CRTC3: variants seen among roughly 807,000 people sequenced by gnomAD.
CRTC3 encodes the protein CREB regulated transcription coactivator 3, also known as CREB-regulated transcription coactivator 3.
Under a neutral mutation model 74.5 loss-of-function variants are expected in CRTC3, and 26 were observed. The ratio of observed to expected loss-of-function variants is 0.35; its 90% CI spans 0.26 to 0.48. The LOEUF is 0.48. Ranked by LOEUF, CRTC3 falls within the 20% of genes least tolerant of loss-of-function variation. The pLI, the probability that CRTC3 is intolerant of heterozygous loss-of-function variation, is 0.99. For missense variants in CRTC3, 760 were observed against 787.3 expected, an observed-to-expected ratio of 0.97 and a Z score of 0.41; for synonymous variants, 377 against 325.8, an observed-to-expected ratio of 1.16 and a Z score of -1.69.
intron 6 of CRTC3, among the ~76,000 whole-genome samples, chr15:90,611,733 C>T (rs140743790): frequency 2.9e-3 from 441 of 152,258 alleles, no homozygotes; most frequent in African/African-American, 8.9e-3. Context: ...GTCCTCACTG[C>T]CAGTATCCTA....
chr15:90,640,207 A>G (rs1408773054), intron 13 of CRTC3, among the ~76,000 whole-genome samples: 6 of 152,218 alleles, frequency 3.9e-5, no homozygotes, highest in African/African-American at 1.4e-4. Flanking sequence ...TCCCTGAAAA[A>G]TGATAGACAC....
intron 3 of CRTC3, among the ~76,000 whole-genome samples, chr15:90,597,358 G>A (rs5003701): frequency 0.3 from 46,224 of 151,974 alleles, 8,084 homozygotes; most frequent in African/African-American, 0.49. Flanking sequence ...TGGATGACAC[G>A]CTCAGAAGGA....
intron 9 of CRTC3, chr15:90,625,084 A>G (rs1314178562): frequency 1.3e-5 from 2 of 152,704 alleles, no homozygotes; most frequent in Admixed American, 6.5e-5. Flanking sequence ...CAGGATAGAC[A>G]CATAGAACAA....
intron 2 of CRTC3, among the ~76,000 whole-genome samples, chr15:90,550,696 TTTTTG>T (rs1966853957): frequency 6.6e-6 from 1 of 152,086 alleles, no homozygotes; most frequent in Non-Finnish European, 1.5e-5. Flanking sequence ...CCTGCTTTTT[TTTTTG>T]TTATTTCAAG....
rs2075894459 is a variant in CRTC3, at chr15:90,602,412, T to C, written c.413+27T>C. 2.5e-6 allele frequency: 3 copies of C among 1,222,554 alleles called. No individual in the cohort carries two copies. The African/African-American group carries it at 4.5e-5, about 18-fold the overall frequency. 75.7% of individuals were successfully genotyped at this position (1,222,554 alleles called of 1,614,324 possible). On this transcript the variant is annotated intron_variant, in intron 4 of 14. Coordinates refer to ENST00000268184, the MANE Select transcript of CRTC3 (RefSeq NM_022769.5). ...TAAGCAAGACATACTTTAAAAGATA[T>C]GATGGGCATGTGTTATTTTTAGATA...
chr15:90,617,931 C>T lies in CRTC3; in HGVS notation c.662C>T (p.Pro221Leu), dbSNP rs758226599. 50 of 1,612,748 alleles carry T rather than the reference C, an allele frequency of 3.1e-5. No individual in the cohort carries two copies. The highest frequency in any genetic ancestry group is 6.7e-5 in the East Asian group (3 of 44,892). ...PLKEENLLNV[P>L]KPLPKQLWET... ...AAAGAAGAGAATCTGTTAAATGTTC[C>T]GAAGCCACTGCCAAAACAACTGTGG... Residue 221 changes from proline (P) to leucine (L), a missense_variant, in exon 8 of 15, where the codon CCG becomes CTG. Pro to Leu is a moderately conservative substitution (Grantham distance 98, BLOSUM62 -3). Coordinates refer to ENST00000268184, the MANE Select transcript of CRTC3 (RefSeq NM_022769.5).
intron 2 of CRTC3, among the ~76,000 whole-genome samples, chr15:90,561,555 C>A (rs903633757): frequency 1.2e-4 from 18 of 152,050 alleles, no homozygotes; most frequent in African/African-American, 3.6e-4. Context: ...AGTGTAGGAC[C>A]AGGAAAGAAG....
rs1309485555 is a variant in CRTC3 at position 90,642,111 on chromosome 15, G to A, written c.1831G>A (p.Glu611Lys). The change falls in exon 15 of 15, where the codon GAA becomes AAA. Residue 611 changes from glutamate to lysine, a missense_variant. By Grantham distance (56) the Glu-to-Lys change is moderately conservative. Around this residue, in one of 2 missense-constraint regions of CRTC3, gnomAD observed 652 missense variants for 635.2 expected, o/e 1.03. Coordinates refer to ENST00000268184, the MANE Select transcript of CRTC3 (RefSeq NM_022769.5). ...CATGGGCCTGCTGGACCCCTCTGTT[G>A]AAGAGACGTTTCGAGCTGACAGACT... ...SSMGLLDPSV[E>K]ETFRADRL 6 of 1,613,966 alleles carry A rather than the reference G, an allele frequency of 3.7e-6. No individual in the cohort carries two copies. Among genetic ancestry groups the A allele is most frequent in the Non-Finnish European group, 4.2e-6 (5 of 1,180,032 alleles).
chr15:90,551,033 C>T (rs1023605072), intron 2 of CRTC3, among the ~76,000 whole-genome samples: 2 of 152,074 alleles, frequency 1.3e-5, no homozygotes, highest in Non-Finnish European at 2.9e-5. Flanking sequence ...CCTCTACTTC[C>T]TTTTTCTGAA....
At chr15:90,629,179 A>G in intron 10 of CRTC3, 55 bp from the exon 11 acceptor site, 1 of 1,531,290 alleles carries the variant, frequency 6.5e-7, no homozygotes, top group South Asian at 1.2e-5. Context: ...CATTTTTGGA[A>G]TACAAAAGAT....
intron 10 of CRTC3, among the ~76,000 whole-genome samples, chr15:90,628,439 T>C (rs1221379210): frequency 6.6e-6 from 1 of 152,098 alleles, no homozygotes; most frequent in Non-Finnish European, 1.5e-5. Flanking sequence ...AGCCGAATAA[T>C]TGATTCACTG....
chr15:90,642,243 G>A lies in CRTC3; in HGVS notation c.*103G>A, dbSNP rs1173264791. On this transcript the variant is annotated 3_prime_UTR_variant, in exon 15 of 15. Transcript: ENST00000268184. ...CACGGGCTTTCGTTATCTTGACATA[G>A]AAGGAAGCAATGCCACGGCTCCAGG... 3 of 955,214 alleles carry A rather than the reference G, an allele frequency of 3.1e-6. 1 individual carries two copies. Among genetic ancestry groups the A allele is most frequent in the African/African-American group, 3.2e-5 (2 of 62,090 alleles). 59.2% of individuals were successfully genotyped at this position (955,214 alleles called of 1,614,324 possible).
chr15:90,583,423 C>T (rs1015878567), intron 2 of CRTC3, among the ~76,000 whole-genome samples: 5 of 152,182 alleles, frequency 3.3e-5, no homozygotes, highest in African/African-American at 9.7e-5. Context: ...CTGGTCTGTT[C>T]TGCTCTTCAT....
Position 90,638,487 on chromosome 15 carries a change from A to C in CRTC3, c.1308A>C (p.Thr436=). 6.2e-7 allele frequency: 1 copy of C among 1,614,076 alleles called. No homozygotes were observed. Residue 436 remains threonine (T), a synonymous_variant, in exon 12 of 15, where the codon ACA becomes ACC. Transcript: ENST00000268184. ...SDRSQLSFLP[T]EAQAQVSPPP... is the part of the protein sequence containing the mutation. ...GAAGCCAACTTTCCTTTCTGCCCAC[A>C]GAAGCTCAAGCCCAGGTGTCGCCGC...
At chr15:90,579,840 C>T (rs767703011) in intron 2 of CRTC3, among the ~76,000 whole-genome samples, 3 of 151,934 alleles carry the variant, frequency 2.0e-5, no homozygotes, top group Non-Finnish European at 4.4e-5. Context: ...CAGGGTTTTA[C>T]CATGTTTGCC....
intron 8 of CRTC3, 52 bp from the exon 9 acceptor site, chr15:90,619,689 C>T (rs1349403364): frequency 7.7e-6 from 12 of 1,552,192 alleles, no homozygotes; most frequent in African/African-American, 1.4e-5. Context: ...TTTTCAAAAA[C>T]TTGAATTTGG....
intron 2 of CRTC3, among the ~76,000 whole-genome samples, chr15:90,558,640 G>C (rs764075140): frequency 2.0e-5 from 3 of 151,910 alleles, no homozygotes; most frequent in Non-Finnish European, 4.4e-5. Flanking sequence ...AATATCACCT[G>C]TCAGGGAGGC....
At chr15:90,633,541 C>A (rs1969119823) in intron 11 of CRTC3, among the ~76,000 whole-genome samples, 1 of 152,220 alleles carries the variant, frequency 6.6e-6, no homozygotes, top group African/African-American at 2.4e-5. Context: ...CCACCCCAGG[C>A]TTGTGAGATC....
At chr15:90,553,433 G>T (rs766924309) in intron 2 of CRTC3, among the ~76,000 whole-genome samples, 2 of 152,184 alleles carry the variant, frequency 1.3e-5, no homozygotes, top group Non-Finnish European at 2.9e-5. Context: ...TATGGTTGTC[G>T]TATTTTTAAT....
Sources: allele counts gnomAD v4.1 joint callset (sites outside exome capture counted in the v4.1 genomes callset), GRCh38; gene constraint gnomAD v4.1.1; regional missense constraint gnomAD v4.1.1; transcripts MANE v1.5; gene names NCBI Gene and HGNC (gene_info 2026-07-23, HGNC 2026-07-21).